CTIF: variants seen among roughly 807,000 people sequenced by gnomAD.
CTIF encodes the protein cap binding complex dependent translation initiation factor.
A neutral mutation model predicts 66.0 loss-of-function variants in CTIF; 21 were observed. The ratio of observed to expected loss-of-function variants is 0.32; its 90% CI spans 0.23 to 0.46. CTIF has a LOEUF of 0.46. CTIF is among the 20% of genes least tolerant of loss of function. CTIF has a pLI of 1.00. For synonymous variants in CTIF, 345 were observed against 326.4 expected, an observed-to-expected ratio of 1.06 and a Z score of -0.62; for missense variants, 739 against 812.7, an observed-to-expected ratio of 0.91 and a Z score of 1.10.
chr18:48,580,740 C>T (rs1295027397), intron 1 of CTIF, among the ~76,000 whole-genome samples: 2 of 152,154 alleles, frequency 1.3e-5, no homozygotes, highest in Non-Finnish European at 2.9e-5. Context: ...GTGCAGGGCT[C>T]CTCCTCCCAT....
intron 1 of CTIF, among the ~76,000 whole-genome samples, chr18:48,594,189 C>T (rs974135022): frequency 4.6e-5 from 7 of 152,044 alleles, no homozygotes; most frequent in East Asian, 3.9e-4. Context: ...CCTTGCTCAC[C>T]GGCTGGCTTC....
intron 7 of CTIF, among the ~76,000 whole-genome samples, chr18:48,727,719 CT>C (rs1436226457): frequency 6.6e-6 from 1 of 152,204 alleles, no homozygotes; most frequent in Non-Finnish European, 1.5e-5. Context: ...TCTTTAACAT[CT>C]CTTAAAATCT....
intron 7 of CTIF, among the ~76,000 whole-genome samples, chr18:48,718,221 T>C (rs1568161641): frequency 6.6e-6 from 1 of 152,244 alleles, no homozygotes; most frequent in Non-Finnish European, 1.5e-5. Flanking sequence ...AGAAATGATA[T>C]CCATATTTTT....
At chr18:48,684,241 CCAT>C (rs2091797949) in intron 6 of CTIF, among the ~76,000 whole-genome samples, 2 of 152,272 alleles carry the variant, frequency 1.3e-5, no homozygotes, top group Non-Finnish European at 2.9e-5. Flanking sequence ...AACACTTGAA[CCAT>C]CTACTCATTT....
intron 3 of CTIF, among the ~76,000 whole-genome samples, chr18:48,649,086 C>T (rs1294554951): frequency 6.6e-6 from 1 of 152,182 alleles, no homozygotes; most frequent in Non-Finnish European, 1.5e-5. Context: ...GCACCTGGTT[C>T]ATCTCACTGG....
Position 48,752,805 on chromosome 18 carries a change from G to A in CTIF, c.585-5114G>A, listed in dbSNP as rs551369669. On this transcript the variant is annotated intron_variant, in intron 7 of 11. Coordinates refer to ENST00000256413, the MANE Select transcript of CTIF (RefSeq NM_014772.3). Reference sequence around the variant, plus strand: ...GCCCTGCGCGCACCATGGGTGCTCCGTTAGTATAGGTCACTGTGATCCTTG... The same window carrying A: ...GCCCTGCGCGCACCATGGGTGCTCCATTAGTATAGGTCACTGTGATCCTTG... Among the ~76,000 whole-genome samples, 20 of 152,324 alleles carry A rather than the reference G, an allele frequency of 1.3e-4. No homozygotes were observed. In the East Asian group the frequency reaches 1.9e-3, roughly 15 times the overall value.
rs546943929 is a variant in CTIF at position 48,594,154 on chromosome 18, C to A, written c.-28-25384C>A. 1.6e-4 allele frequency among the ~76,000 whole-genome samples: 24 copies of A among 152,116 alleles called. No individual in the cohort carries two copies. In the South Asian group the frequency reaches 5.0e-3, roughly 32 times the overall value. ...AACTGTGGCTGCAGTCTGGCCTACC[C>A]TTTTCCGGCGGGTCCTGGGGGATGC... On this transcript the variant is annotated intron_variant, in intron 1 of 11. Transcript: ENST00000256413.
chr18:48,663,784 G>A lies in CTIF; in HGVS notation c.285G>A (p.Leu95=), dbSNP rs2091387458. The change falls in exon 4 of 12, where the codon CTG becomes CTA. Residue 95 remains leucine (L), a synonymous_variant. Coordinates refer to ENST00000256413, the MANE Select transcript of CTIF (RefSeq NM_014772.3). ...NGSKDNSLDM[L]GTDIWAANTF... ...GCAAAGACAACTCTCTGGACATGCT[G>A]GGCACGGACATCTGGGCGGCCAACA... 13 of 1,614,108 alleles carry A rather than the reference G, an allele frequency of 8.1e-6. No individual in the cohort carries two copies. The highest frequency in any genetic ancestry group is 1.0e-5 in the Non-Finnish European group (12 of 1,179,992).
chr18:48,555,196 C>G (rs569527622), intron 1 of CTIF, among the ~76,000 whole-genome samples: 2 of 152,282 alleles, frequency 1.3e-5, no homozygotes, highest in African/African-American at 4.8e-5. Flanking sequence ...CATCTGGACA[C>G]TATATTTCTG....
intron 3 of CTIF, among the ~76,000 whole-genome samples, chr18:48,640,500 G>A (rs1332719789): frequency 6.6e-6 from 1 of 152,198 alleles, no homozygotes; most frequent in Admixed American, 6.5e-5. Flanking sequence ...AGCTTTCTGG[G>A]GCCATCAGGA....
At chr18:48,543,088 C>T (rs2088658841) in intron 1 of CTIF, among the ~76,000 whole-genome samples, 1 of 152,210 alleles carries the variant, frequency 6.6e-6, no homozygotes, top group African/African-American at 2.4e-5. Flanking sequence ...TATCTAATCC[C>T]AAACTCACCG....
intron 6 of CTIF, among the ~76,000 whole-genome samples, chr18:48,674,674 T>C (rs528652373): frequency 6.6e-6 from 1 of 152,234 alleles, no homozygotes; most frequent in South Asian, 2.1e-4. Context: ...AGGAACTTCA[T>C]CTCTGGAGCT....
chr18:48,585,082 G>A (rs1032360315), intron 1 of CTIF, among the ~76,000 whole-genome samples: 2 of 152,254 alleles, frequency 1.3e-5, no homozygotes, highest in African/African-American at 4.8e-5. Flanking sequence ...TTCCTTGGAA[G>A]GGTGAGGCCT....
chr18:48,543,190 A>T (rs2088663397), intron 1 of CTIF, among the ~76,000 whole-genome samples: 1 of 152,126 alleles, frequency 6.6e-6, no homozygotes, highest in South Asian at 2.1e-4. Context: ...TCAGGTCATG[A>T]AGGAGGAGGC....
intron 9 of CTIF, among the ~76,000 whole-genome samples, chr18:48,808,256 T>A (rs2068190740): frequency 6.6e-6 from 1 of 152,232 alleles, no homozygotes; most frequent in Non-Finnish European, 1.5e-5. Flanking sequence ...TATTAGTAAT[T>A]TACATTTTGA....
At chr18:48,817,410 C>T in intron 10 of CTIF, 34 bp downstream of exon 10, 1 of 1,582,804 alleles carries the variant, frequency 6.3e-7, no homozygotes. Context: ...CCCTGCACAG[C>T]CAGACAGCAC....
intron 9 of CTIF, among the ~76,000 whole-genome samples, chr18:48,763,068 G>T (rs1181451095): frequency 6.6e-6 from 1 of 152,242 alleles, no homozygotes; most frequent in Admixed American, 6.5e-5. Flanking sequence ...TGTTCCTCGC[G>T]GGCCGGAATG....
chr18:48,808,515 C>G (rs1367666963), intron 9 of CTIF, among the ~76,000 whole-genome samples: 2 of 124,682 alleles, frequency 1.6e-5, no homozygotes, highest in African/African-American at 3.4e-5. Flanking sequence ...AATTTTTGGT[C>G]CTTTTTTTTT....
intron 7 of CTIF, among the ~76,000 whole-genome samples, chr18:48,729,989 C>A (rs540546831): frequency 1.3e-5 from 2 of 152,236 alleles, no homozygotes; most frequent in Middle Eastern, 3.2e-3. Context: ...GGAGGCTTCA[C>A]CTCCAGGTGG....
Sources: allele counts gnomAD v4.1 joint callset (sites outside exome capture counted in the v4.1 genomes callset), GRCh38; gene constraint gnomAD v4.1.1; transcripts MANE v1.5; gene names NCBI Gene and HGNC (gene_info 2026-07-23, HGNC 2026-07-21).